HAUS6: variants seen among roughly 807,000 people sequenced by gnomAD.
The protein encoded by HAUS6 is HAUS augmin-like complex subunit 6.
A neutral mutation model predicts 106.8 loss-of-function variants in HAUS6; 80 were observed. That is an observed-to-expected ratio of 0.75 (90% confidence interval 0.63 to 0.90). The LOEUF is 0.90. HAUS6 is among the 40% of genes least tolerant of loss of function. The probability of loss-of-function intolerance (pLI) is 0.00; values close to 1 mark genes in which losing one functional copy is unlikely to be tolerated. For missense variants in HAUS6, 1,155 were observed against 1,118.1 expected (o/e 1.03, Z -0.47); for synonymous variants, 356 against 379.1 (o/e 0.94, Z 0.71).
intron 12 of HAUS6, among the ~76,000 whole-genome samples, chr9:19,065,432 A>T (rs1046051153): frequency 6.6e-6 from 1 of 152,270 alleles, no homozygotes; most frequent in African/African-American, 2.4e-5. Flanking sequence ...AGAAAATTCA[A>T]GTCTACAAAT....
At chr9:19,059,285 T>C (rs1046277783) in intron 15 of HAUS6, among the ~76,000 whole-genome samples, 4 of 152,238 alleles carry the variant, frequency 2.6e-5, no homozygotes, top group African/African-American at 9.6e-5. Context: ...AGACCTTTTC[T>C]TGTCCATCTA....
At chr9:19,077,957 AG>A (rs1837047190) in intron 10 of HAUS6, among the ~76,000 whole-genome samples, 1 of 152,090 alleles carries the variant, frequency 6.6e-6, no homozygotes, top group Non-Finnish European at 1.5e-5. Context: ...GCTACTCAGA[AG>A]GCTGAGGTGG....
At position 19,058,784 on chromosome 9, in the gene HAUS6, A is replaced by G. The variant is rs1297117829; in HGVS notation, c.1983T>C (p.Asp661=). The G allele has an allele frequency of 1.2e-6, 2 of 1,614,208 alleles. No homozygotes were observed. Among genetic ancestry groups the G allele is most frequent in the East Asian group, 2.2e-5 (1 of 44,884 alleles). The change falls in exon 16 of 17, where the codon GAT becomes GAC. Residue 661 remains aspartate (D), a synonymous_variant. Transcript: ENST00000380502. ...SHLTEEKVIS[D]CECVPQKHVL... is the part of the protein sequence containing the mutation. ...CATGTTTCTGAGGCACACACTCGCA[A>G]TCTGAAATAACTTTCTCTTCAGTCA...
chr9:19,071,714 C>T (rs977175071), intron 11 of HAUS6, among the ~76,000 whole-genome samples: 2 of 151,790 alleles, frequency 1.3e-5, no homozygotes, highest in East Asian at 3.9e-4. Flanking sequence ...ACTGGGGCCA[C>T]AGGTGCATGA....
intron 4 of HAUS6, among the ~76,000 whole-genome samples, 172 bp downstream of exon 4, chr9:19,092,999 T>C: frequency 6.6e-6 from 1 of 152,020 alleles, no homozygotes; most frequent in East Asian, 1.9e-4. Context: ...GTGTTTATTA[T>C]GAGAAGATTT....
At chr9:19,100,985 A>G (rs901557283) in intron 1 of HAUS6, among the ~76,000 whole-genome samples, 1 of 152,200 alleles carries the variant, frequency 6.6e-6, no homozygotes, top group East Asian at 1.9e-4. Flanking sequence ...GGGTACAAAT[A>G]TACAGTTAGA....
chr9:19,062,840 A>AT (rs1018796894), intron 14 of HAUS6, among the ~76,000 whole-genome samples, 168 bp downstream of exon 14: 4 of 151,894 alleles, frequency 2.6e-5, no homozygotes, highest in Non-Finnish European at 4.4e-5. Context: ...TGTTTTTTTA[A>AT]TTTTTTTGTA....
chr9:19,063,543 C>A lies in HAUS6; in HGVS notation c.1414G>T (p.Asp472Tyr), dbSNP rs368253283. The A allele has an allele frequency of 1.9e-6, 3 of 1,603,704 alleles. No individual in the cohort carries two copies. Among genetic ancestry groups the A allele is most frequent in the Non-Finnish European group, 2.6e-6 (3 of 1,170,590 alleles). The change falls in exon 13 of 17, where the codon GAT becomes TAT. Residue 472 changes from aspartate (D) to tyrosine (Y), a missense_variant. Physicochemically the swap from Asp to Tyr is radical, Grantham distance 160. Transcript: ENST00000380502. ...TCAAGTACTGTAACACTGTTTCTAT[C>A]TGATGATGAAACTGACTGCGACAAG... Reference protein sequence around the residue: ...SFLSQSVSSSDRNSVTVLEKD... With the variant: ...SFLSQSVSSSYRNSVTVLEKD...
chr9:19,062,817 C>T (rs1836657099), intron 14 of HAUS6, among the ~76,000 whole-genome samples, 191 bp downstream of exon 14: 1 of 152,112 alleles, frequency 6.6e-6, no homozygotes, highest in Non-Finnish European at 1.5e-5. Context: ...AGAGACACGC[C>T]CCCATGCTCA....
intron 10 of HAUS6, among the ~76,000 whole-genome samples, chr9:19,077,753 G>T (rs904046879): frequency 2.0e-5 from 3 of 151,904 alleles, no homozygotes; most frequent in Non-Finnish European, 4.4e-5. Context: ...TGCCATATAT[G>T]AAACTATTCT....
At chr9:19,069,715 G>A (rs764735797) in intron 12 of HAUS6, among the ~76,000 whole-genome samples, 2 of 151,840 alleles carry the variant, frequency 1.3e-5, no homozygotes, top group African/African-American at 2.4e-5. Context: ...AAAACAAAAG[G>A]CAAAATTATG....
chr9:19,090,337 A>C (rs1157826165), intron 4 of HAUS6, among the ~76,000 whole-genome samples: 2 of 152,178 alleles, frequency 1.3e-5, no homozygotes, highest in African/African-American at 4.8e-5. Flanking sequence ...AAATTATAAT[A>C]AGAGCTACTT....
intron 9 of HAUS6, among the ~76,000 whole-genome samples, chr9:19,079,270 C>T (rs1488262163): frequency 2.0e-5 from 3 of 150,044 alleles, no homozygotes; most frequent in Non-Finnish European, 3.0e-5. Context: ...ACTCTGTCAC[C>T]CAGGCTGGAG....
chr9:19,101,001 G>A (rs1028562085), intron 1 of HAUS6, among the ~76,000 whole-genome samples: 1 of 151,960 alleles, frequency 6.6e-6, no homozygotes, highest in African/African-American at 2.4e-5. Flanking sequence ...TTAGATAGAA[G>A]GAATAAGTTC....
chr9:19,098,303 T>C (rs1374408215), intron 1 of HAUS6, among the ~76,000 whole-genome samples: 2 of 152,078 alleles, frequency 1.3e-5, no homozygotes, highest in East Asian at 3.9e-4. Flanking sequence ...CTGGGCGTGG[T>C]GGCGTGCACC....
rs371815503 is a variant in HAUS6 at position 19,096,744 on chromosome 9, C to A, written c.154G>T (p.Asp52Tyr). The change falls in exon 2 of 17, where the codon GAT (aspartate) becomes TAT (tyrosine). Residue 52 changes from aspartate (D) to tyrosine (Y), a missense_variant. By Grantham distance (160) the Asp-to-Tyr change is radical. Coordinates refer to ENST00000380502, the MANE Select transcript of HAUS6 (RefSeq NM_017645.5). ...GVNMFDKLNR[D>Y]AFHIISYFLF... ...AAATAAGAAATTATATGAAAGGCAT[C>A]ACGGTTCAGCTTGTCAAACATGTTC... 7.1e-6 allele frequency: 11 copies of A among 1,557,376 alleles called. No homozygotes were observed. The highest frequency in any genetic ancestry group is 9.6e-6 in the Non-Finnish European group (11 of 1,145,802).
intron 8 of HAUS6, among the ~76,000 whole-genome samples, chr9:19,082,279 C>T (rs368397065): frequency 1.4e-4 from 21 of 152,200 alleles, no homozygotes; most frequent in African/African-American, 2.7e-4. Flanking sequence ...CTGTTGTTGC[C>T]TTTGAGAATT....
At chr9:19,064,326 G>T (rs867905716) in intron 12 of HAUS6, among the ~76,000 whole-genome samples, 17 of 152,206 alleles carry the variant, frequency 1.1e-4, no homozygotes, top group Non-Finnish European at 1.3e-4. Flanking sequence ...TTTCTCATAT[G>T]CTAAATTTTA....
chr9:19,066,097 G>C (rs562510490), intron 12 of HAUS6, among the ~76,000 whole-genome samples: 19 of 151,660 alleles, frequency 1.3e-4, no homozygotes, highest in Non-Finnish European at 2.8e-4. Context: ...CACCACACCT[G>C]GCTAATTTTT....
Sources: gnomAD v4.1 joint callset for allele counts (sites outside exome capture counted in the v4.1 genomes callset) on GRCh38, gnomAD v4.1.1 for gene constraint, MANE v1.5 for transcripts, NCBI Gene and HGNC (gene_info 2026-07-23, HGNC 2026-07-21) for gene names.